ZNF664: variants seen among roughly 807,000 people sequenced by gnomAD.
ZNF664 encodes zinc finger Organ of Corti 1.
ZNF664 carries 10 observed loss-of-function variants against 18.2 expected under a neutral mutation model. The ratio of observed to expected loss-of-function variants is 0.55; its 90% CI spans 0.34 to 0.93. ZNF664 has a LOEUF of 0.93. Among genes scored for constraint, ZNF664 ranks in the 40% least tolerant of loss-of-function variants. The probability of loss-of-function intolerance (pLI) is 0.02; values close to 1 mark genes in which losing one functional copy is unlikely to be tolerated. For missense variants in ZNF664, 193 were observed against 319.0 expected (o/e 0.61, Z 3.01); for synonymous variants, 119 against 104.2 (o/e 1.14, Z -0.86).
chr12:123,982,968 A>G (rs1956783861), intron 2 of ZNF664, among the ~76,000 whole-genome samples: 1 of 152,174 alleles, frequency 6.6e-6, no homozygotes, highest in Non-Finnish European at 1.5e-5. Context: ...CAGCCTGGGC[A>G]ACATGGCAAA....
intron 2 of ZNF664, among the ~76,000 whole-genome samples, chr12:123,976,625 C>T (rs1050306331): frequency 4.6e-5 from 7 of 151,292 alleles, no homozygotes; most frequent in Admixed American, 2.0e-4. Flanking sequence ...CCACTCTAGT[C>T]GTTGCATGCA....
intron 3 of ZNF664, among the ~76,000 whole-genome samples, chr12:123,992,143 G>C (rs577372327): frequency 6.6e-6 from 1 of 152,290 alleles, no homozygotes; most frequent in African/African-American, 2.4e-5. Flanking sequence ...TGGTGTGTAG[G>C]GTATAAGGAA....
chr12:123,978,025 A>T (rs1956716719), intron 2 of ZNF664, among the ~76,000 whole-genome samples: 1 of 152,198 alleles, frequency 6.6e-6, no homozygotes, highest in Admixed American at 6.5e-5. Context: ...TGCAGGTGTT[A>T]TGAGAGTAAG....
At chr12:123,980,861 G>T (rs1389722807) in intron 2 of ZNF664, among the ~76,000 whole-genome samples, 3 of 152,114 alleles carry the variant, frequency 2.0e-5, no homozygotes, top group African/African-American at 7.2e-5. Flanking sequence ...TGTATTACAT[G>T]TATGATGGAA....
chr12:123,975,990 A>G (rs879835846), intron 2 of ZNF664, among the ~76,000 whole-genome samples: 3 of 152,334 alleles, frequency 2.0e-5, no homozygotes, highest in African/African-American at 7.2e-5. Context: ...TAATGATTGA[A>G]TGATGTGATG....
intron 3 of ZNF664, among the ~76,000 whole-genome samples, chr12:124,002,478 G>T (rs1208629265): frequency 6.6e-6 from 1 of 152,216 alleles, no homozygotes; most frequent in African/African-American, 2.4e-5. Context: ...GGAGGAGCAA[G>T]AATGAAAGCC....
At chr12:123,985,732 G>T (rs1470542877) in intron 2 of ZNF664, among the ~76,000 whole-genome samples, 1 of 152,198 alleles carries the variant, frequency 6.6e-6, no homozygotes, top group Non-Finnish European at 1.5e-5. Context: ...GGGTGGAATG[G>T]CAGGTTCCAG....
At chr12:123,996,364 G>A (rs1353732635) in intron 3 of ZNF664, among the ~76,000 whole-genome samples, 1 of 152,134 alleles carries the variant, frequency 6.6e-6, no homozygotes, top group African/African-American at 2.4e-5. Context: ...GTAAAAGGTT[G>A]CTTCAAGTGG....
chr12:123,989,966 T>C (rs1385607370), intron 3 of ZNF664, among the ~76,000 whole-genome samples: 1 of 152,260 alleles, frequency 6.6e-6, no homozygotes, highest in Admixed American at 6.5e-5. Context: ...GCTTCCTGAA[T>C]GAGCCTACTC....
chr12:123,988,560 C>T (rs1304822418), intron 3 of ZNF664, among the ~76,000 whole-genome samples: 3 of 151,898 alleles, frequency 2.0e-5, no homozygotes, highest in Non-Finnish European at 2.9e-5. Flanking sequence ...TTTAAAAGCT[C>T]GGTTGCTTTG....
At chr12:123,986,074 G>C (rs1956821070) in intron 2 of ZNF664, among the ~76,000 whole-genome samples, 2 of 151,742 alleles carry the variant, frequency 1.3e-5, no homozygotes, top group Admixed American at 1.3e-4. Flanking sequence ...TCCCAGTTCT[G>C]CTGGGAAGTG....
At chr12:124,001,500 C>T (rs559028606) in intron 3 of ZNF664, among the ~76,000 whole-genome samples, 2 of 152,298 alleles carry the variant, frequency 1.3e-5, no homozygotes, top group East Asian at 1.9e-4. Context: ...GCCTCCTGCC[C>T]CTCACCATGG....
chr12:124,000,216 C>G (rs1956995194), intron 3 of ZNF664, among the ~76,000 whole-genome samples: 1 of 152,190 alleles, frequency 6.6e-6, no homozygotes, highest in African/African-American at 2.4e-5. Flanking sequence ...CTCTCCCACC[C>G]TCCAGACAAC....
intron 2 of ZNF664, among the ~76,000 whole-genome samples, chr12:123,982,262 G>A (rs556076035): frequency 1.3e-5 from 2 of 152,338 alleles, no homozygotes; most frequent in South Asian, 4.1e-4. Flanking sequence ...AGAAAAGGTA[G>A]CGGAGAAAGT....
chr12:123,991,114 A>G (rs1956883860), intron 3 of ZNF664, among the ~76,000 whole-genome samples: 1 of 152,172 alleles, frequency 6.6e-6, no homozygotes, highest in Non-Finnish European at 1.5e-5. Flanking sequence ...CCAAATTATT[A>G]TGATTCTTAG....
chr12:123,979,831 A>C (rs961317025), intron 2 of ZNF664, among the ~76,000 whole-genome samples: 3 of 152,018 alleles, frequency 2.0e-5, no homozygotes, highest in African/African-American at 7.3e-5. Context: ...ACACACACAC[A>C]CCACTACACC....
At position 123,992,203 on chromosome 12, in the gene ZNF664, C is replaced by A. The variant is rs117118921; in HGVS notation, c.-661+4065C>A. 6.7e-3 allele frequency among the ~76,000 whole-genome samples: 1,013 copies of A among 152,194 alleles called. 29 individuals are homozygous for A. Among genetic ancestry groups the A allele is most frequent in the Admixed American group, 0.043 (651 of 15,282 alleles). On this transcript the variant is annotated intron_variant, in intron 3 of 4. Transcript: ENST00000337815. ...GAGAAGGAGGCGAGGGGCCCAAACA[C>A]CTGGGGACCAAGTAGGAAAGTGGTC... is the stretch of plus-strand genomic sequence containing the variant.
chr12:123,996,602 A>C (rs1956951142), intron 3 of ZNF664, among the ~76,000 whole-genome samples: 1 of 152,180 alleles, frequency 6.6e-6, no homozygotes, highest in African/African-American at 2.4e-5. Context: ...ACGGAATGGA[A>C]ATTTAAGGTG....
At chr12:124,005,170 A>G (rs895243598) in intron 3 of ZNF664, among the ~76,000 whole-genome samples, 3 of 152,172 alleles carry the variant, frequency 2.0e-5, no homozygotes, top group South Asian at 2.1e-4. Context: ...AATGAACTCA[A>G]AAGTAGAGAA....
Sources: gnomAD v4.1 joint callset for allele counts (sites outside exome capture counted in the v4.1 genomes callset) on GRCh38, gnomAD v4.1.1 for gene constraint, MANE v1.5 for transcripts, NCBI Gene and HGNC (gene_info 2026-07-23, HGNC 2026-07-21) for gene names.